Variants in STX8 observed in about 807,000 individuals in gnomAD.
STX8 encodes the protein syntaxin 8.
STX8 carries 23 observed loss-of-function variants against 37.5 expected under a neutral mutation model. The ratio of observed to expected loss-of-function variants is 0.61; its 90% confidence interval spans 0.44 to 0.87. STX8 has a LOEUF of 0.87. STX8 is among the 40% of genes least tolerant of loss of function. The pLI is 0.00. For synonymous variants in STX8, 115 were observed against 99.1 expected, an observed-to-expected ratio of 1.16 and a Z score of -0.95; for missense variants, 313 against 284.7, an observed-to-expected ratio of 1.10 and a Z score of -0.71.
intron 4 of STX8, among the ~76,000 whole-genome samples, chr17:9,508,162 T>C (rs1904905258): frequency 6.6e-6 from 1 of 152,042 alleles, no homozygotes; most frequent in Non-Finnish European, 1.5e-5. Context: ...AGCTAGACAA[T>C]TTGATGAAAT....
At chr17:9,302,861 G>A (rs954274583) in intron 7 of STX8, among the ~76,000 whole-genome samples, 5 of 152,040 alleles carry the variant, frequency 3.3e-5, no homozygotes, top group Non-Finnish European at 2.9e-5. Flanking sequence ...ACTCATATTC[G>A]GGGTGGTGGA....
chr17:9,575,648 C>T (rs375298362), intron 1 of STX8, 144 bp downstream of exon 1: 5 of 998,662 alleles, frequency 5.0e-6, no homozygotes, highest in Non-Finnish European at 7.3e-6. Context: ...TGTGGCTGAG[C>T]CCCCTCAGTA....
chr17:9,362,990 C>T (rs536683973), intron 7 of STX8, among the ~76,000 whole-genome samples: 2 of 152,100 alleles, frequency 1.3e-5, no homozygotes, highest in African/African-American at 4.8e-5. Context: ...ATGTATTTAA[C>T]TTGATGCGGC....
chr17:9,401,420 T>C (rs1369393321), intron 6 of STX8, among the ~76,000 whole-genome samples: 2 of 152,202 alleles, frequency 1.3e-5, no homozygotes, highest in Non-Finnish European at 2.9e-5. Flanking sequence ...AAATTGTTTA[T>C]TGTCTCATCT....
At chr17:9,354,738 T>G (rs1483356518) in intron 7 of STX8, among the ~76,000 whole-genome samples, 2 of 152,170 alleles carry the variant, frequency 1.3e-5, no homozygotes, top group Non-Finnish European at 1.5e-5. Flanking sequence ...CTAAATCTCA[T>G]AACCTTCAGC....
intron 7 of STX8, among the ~76,000 whole-genome samples, chr17:9,359,740 G>C (rs1338606421): frequency 2.0e-5 from 3 of 151,902 alleles, no homozygotes; most frequent in East Asian, 3.9e-4. Context: ...GATCTCCTGA[G>C]CTCGTGATCC....
chr17:9,373,858 G>A (rs758724268), intron 7 of STX8, among the ~76,000 whole-genome samples: 84 of 150,306 alleles, frequency 5.6e-4, no homozygotes, highest in Non-Finnish European at 7.2e-4. Flanking sequence ...AGAATCGCTC[G>A]AACCCGGAAG....
At chr17:9,267,418 A>G (rs556890441) in intron 7 of STX8, among the ~76,000 whole-genome samples, 5 of 152,326 alleles carry the variant, frequency 3.3e-5, no homozygotes, top group Admixed American at 2.6e-4. Flanking sequence ...TTGGATAGAA[A>G]GCGCTATGAC....
chr17:9,471,296 C>T lies in STX8; in HGVS notation c.541+20533G>A, dbSNP rs543269015. 1.1e-3 allele frequency among the ~76,000 whole-genome samples: 174 copies of T among 151,586 alleles called. 2 individuals carry two copies. The highest frequency in any genetic ancestry group is 4.0e-3 in the African/African-American group (166 of 41,370). On this transcript the variant is annotated intron_variant, in intron 6 of 7. Transcript: ENST00000306357. Reference sequence around the variant, plus strand: ...CTTCCCGAGTAGCTGGGATTACAGGCGCCCGCCATCACACCCAGCTAATTT... The same window carrying T: ...CTTCCCGAGTAGCTGGGATTACAGGTGCCCGCCATCACACCCAGCTAATTT...
intron 6 of STX8, among the ~76,000 whole-genome samples, chr17:9,438,997 C>T (rs1310796435): frequency 1.3e-5 from 2 of 152,010 alleles, no homozygotes; most frequent in African/African-American, 2.4e-5. Context: ...GTTTGTTTTG[C>T]TTTTACAAAA....
intron 6 of STX8, among the ~76,000 whole-genome samples, chr17:9,387,325 G>A (rs139313049): frequency 6.6e-6 from 1 of 150,748 alleles, no homozygotes; most frequent in Non-Finnish European, 1.5e-5. Context: ...AGGGAGTCTT[G>A]CGCTCTGTCA....
chr17:9,284,112 A>G (rs1001398652), intron 7 of STX8, among the ~76,000 whole-genome samples: 12 of 152,238 alleles, frequency 7.9e-5, no homozygotes, highest in Non-Finnish European at 1.3e-4. Flanking sequence ...CTCATACCTC[A>G]GTTAACTGGC....
At chr17:9,559,761 T>TATATATATATATA (rs1491338614) in intron 2 of STX8, among the ~76,000 whole-genome samples, 1 of 6,184 alleles carries the variant, frequency 1.6e-4, no homozygotes, top group African/African-American at 3.3e-4. Flanking sequence ...TATATATATA[T>TATATATATATATA]TTTTTTTTTT....
chr17:9,372,625 G>A lies in STX8; in HGVS notation c.643+5927C>T, dbSNP rs796248468. Among the ~76,000 whole-genome samples the A allele has an allele frequency of 1.1e-3, 172 of 151,452 alleles. 1 individual carries two copies. Among genetic ancestry groups the A allele is most frequent in the African/African-American group, 3.8e-3 (159 of 41,334 alleles). ...CCCAACTAGCTGGGATTACAGGCAC[G>A]CACCACCACGCCTGGCTAATTTTTG... On this transcript the variant is annotated intron_variant, in intron 7 of 7. Coordinates refer to ENST00000306357, the MANE Select transcript of STX8 (RefSeq NM_004853.3).
intron 7 of STX8, among the ~76,000 whole-genome samples, chr17:9,263,410 C>T (rs778390076): frequency 4.0e-5 from 6 of 150,514 alleles, no homozygotes; most frequent in African/African-American, 9.8e-5. Context: ...ACCTGGGAGG[C>T]GGAGGTTGCA....
Position 9,339,964 on chromosome 17 carries a change from C to G in STX8, c.643+38588G>C, listed in dbSNP as rs370046927. ...TTGTATGAGCATGATTGTGGTGTTT[C>G]TTTCTCTCTCCTGCTGGACTTTAAG... On this transcript the variant is annotated intron_variant, in intron 7 of 7. Transcript: ENST00000306357. Among the ~76,000 whole-genome samples the G allele has an allele frequency of 2.6e-5, 4 of 152,332 alleles. No individual in the cohort carries two copies. In the East Asian group the frequency reaches 7.7e-4, roughly 29 times the overall value.
rs539134584 is a variant in STX8 at position 9,517,875 on chromosome 17, TAAGGCATTCCAAG to T, written c.324-12726_324-12714del. On this transcript the variant is annotated intron_variant, in intron 4 of 7. Coordinates refer to ENST00000306357, the MANE Select transcript of STX8 (RefSeq NM_004853.3). ...GTTTAGTGAAGAAAGGAAGAGATGGTAAGGCATTCCAAGAAAAGGCAAAAACACGAATGAGTCT... is the reference window on the plus strand; with the variant it reads ...GTTTAGTGAAGAAAGGAAGAGATGGTAAAAGGCAAAAACACGAATGAGTCT... Among the ~76,000 whole-genome samples the T allele has an allele frequency of 2.0e-3, 293 of 148,810 alleles. 2 individuals are homozygous for T. Among genetic ancestry groups the T allele is most frequent in the African/African-American group, 7.0e-3 (283 of 40,344 alleles).
chr17:9,364,090 T>G (rs1911148336), intron 7 of STX8, among the ~76,000 whole-genome samples: 1 of 152,166 alleles, frequency 6.6e-6, no homozygotes, highest in Non-Finnish European at 1.5e-5. Flanking sequence ...TGGTCACATA[T>G]AAACGATATT....
At chr17:9,532,587 A>T (rs896946953) in intron 4 of STX8, among the ~76,000 whole-genome samples, 1 of 152,232 alleles carries the variant, frequency 6.6e-6, no homozygotes, top group African/African-American at 2.4e-5. Flanking sequence ...CATTGATTAC[A>T]ATTTTGTACA....
Sources: allele counts gnomAD v4.1 joint callset (sites outside exome capture counted in the v4.1 genomes callset), GRCh38; gene constraint gnomAD v4.1.1; transcripts MANE v1.5; gene names NCBI Gene and HGNC (gene_info 2026-07-23, HGNC 2026-07-21).